NECAP2: variants seen among roughly 807,000 people sequenced by gnomAD.
NECAP2 encodes adaptin ear-binding coat-associated protein 2.
A neutral mutation model predicts 37.8 loss-of-function variants in NECAP2; 38 were observed. The observed-to-expected ratio is 1.01, with a 90% CI of 0.78 to 1.32. NECAP2 has a LOEUF of 1.32. NECAP2 is among the 40% of genes most tolerant of loss of function. The pLI is 0.00. For missense variants in NECAP2, 316 were observed against 334.5 expected (o/e 0.94, Z 0.43); for synonymous variants, 121 against 127.7 (o/e 0.95, Z 0.35).
At chr1:16,446,871 C>G (rs2086770910) in intron 2 of NECAP2, among the ~76,000 whole-genome samples, 1 of 151,968 alleles carries the variant, frequency 6.6e-6, no homozygotes, top group Non-Finnish European at 1.5e-5. Flanking sequence ...ACCAGCCTGG[C>G]CAACATGGTG....
intron 2 of NECAP2, among the ~76,000 whole-genome samples, chr1:16,446,983 C>G (rs1041319026): frequency 6.6e-6 from 1 of 151,712 alleles, no homozygotes; most frequent in African/African-American, 2.4e-5. Context: ...TCACTTGAAC[C>G]TGGGAGGCGG....
At position 16,451,994 on chromosome 1, in the gene NECAP2, C is replaced by A; in HGVS notation, c.646C>A (p.Pro216Thr). Residue 216 changes from proline to threonine, a missense_variant, in exon 6 of 8, where the codon CCA becomes ACA. This residue lies in a region of NECAP2 where 204 missense variants were observed against 188.6 expected (regional missense o/e 1.08). Transcript: ENST00000337132. The part of the protein sequence containing the change: ...QLAVGGSLVQ[P>T]AVAPSSGGAP... ...GGCTGTGGGGGGATCCCTCGTCCAG[C>A]CAGCAGTTGCTCCCAGTTCAGGTTA... 1 of 1,597,958 alleles carries A rather than the reference C, an allele frequency of 6.3e-7. No homozygotes were observed. Among genetic ancestry groups the A allele is most frequent in the Non-Finnish European group, 8.5e-7 (1 of 1,171,934 alleles).
At chr1:16,453,789 G>A (rs1343644345) in intron 6 of NECAP2, among the ~76,000 whole-genome samples, 2 of 151,750 alleles carry the variant, frequency 1.3e-5, no homozygotes, top group African/African-American at 4.8e-5. Flanking sequence ...GCCTGGCCTT[G>A]CTGATGCATT....
Position 16,448,059 on chromosome 1 carries a change from G to A in NECAP2, c.299-1G>A. 1 of 1,614,196 alleles carries A rather than the reference G, an allele frequency of 6.2e-7. No individual in the cohort carries two copies. Among genetic ancestry groups the A allele is most frequent in the Non-Finnish European group, 8.5e-7 (1 of 1,180,030 alleles). On this transcript the variant is annotated splice_acceptor_variant, in intron 3 of 7. Transcript: ENST00000337132. LOFTEE classifies it high-confidence loss of function. Reference sequence around the variant, plus strand: ...TGGGTTGATCATGTGTTGTTCCCCAGGGCGACGGGCGTTTATTGGAATTGG... The same window carrying A: ...TGGGTTGATCATGTGTTGTTCCCCAAGGCGACGGGCGTTTATTGGAATTGG...
intron 7 of NECAP2, among the ~76,000 whole-genome samples, chr1:16,458,572 CAGTG>C (rs1281088806): frequency 1.3e-5 from 2 of 150,410 alleles, no homozygotes; most frequent in African/African-American, 4.9e-5. Context: ...GCCTGGGCGA[CAGTG>C]AGACCCTGTC....
At chr1:16,446,441 C>T (rs2086763814) in intron 2 of NECAP2, among the ~76,000 whole-genome samples, 1 of 152,186 alleles carries the variant, frequency 6.6e-6, no homozygotes, top group African/African-American at 2.4e-5. Context: ...TGCCTGTATT[C>T]CCAGCTACGT....
rs554201299 is a variant in NECAP2 at position 16,456,727 on chromosome 1, C to A, written c.743+834C>A. 3.9e-5 allele frequency among the ~76,000 whole-genome samples: 6 copies of A among 152,238 alleles called. No homozygotes were observed. The East Asian group carries it at 1.2e-3, about 29-fold the overall frequency. ...AGATTCTAGGACAGGGGTCAGCACA[C>A]ATTTTCTTTTTCTTTTCATGTTTTG... is the stretch of plus-strand genomic sequence containing the variant. On this transcript the variant is annotated intron_variant, in intron 7 of 7. Coordinates refer to ENST00000337132, the MANE Select transcript of NECAP2 (RefSeq NM_018090.5).
intron 2 of NECAP2, among the ~76,000 whole-genome samples, chr1:16,446,486 G>A (rs759597206): frequency 7.2e-5 from 11 of 152,164 alleles, no homozygotes; most frequent in South Asian, 2.1e-4. Flanking sequence ...TTGAGCCCAG[G>A]AGTTCGAGGC....
rs2086972518 is a variant in NECAP2, at chr1:16,459,060, A to C, written c.*170A>C. The C allele has an allele frequency of 6.9e-7, 1 of 1,450,964 alleles. No homozygotes were observed. 89.9% of individuals were successfully genotyped at this position (1,450,964 alleles called of 1,614,324 possible). ...CGGGCATGTTTGGCAGTAAATTGGC[A>C]CCGTGTCACACTGTTTCCTGGGATT... On this transcript the variant is annotated 3_prime_UTR_variant, in exon 8 of 8. Coordinates refer to ENST00000337132, the MANE Select transcript of NECAP2 (RefSeq NM_018090.5).
chr1:16,441,209 G>C (rs1171386667), intron 1 of NECAP2: 3 of 242,252 alleles, frequency 1.2e-5, no homozygotes, highest in African/African-American at 2.2e-5. Context: ...AGCCTTAAGC[G>C]GGGAGGTGCC....
intron 2 of NECAP2, 65 bp downstream of exon 2, chr1:16,443,797 C>T: frequency 7.6e-7 from 1 of 1,316,958 alleles, no homozygotes; most frequent in Non-Finnish European, 1.1e-6. Flanking sequence ...GGAGAGGTGG[C>T]CTGGTCTGGC....
intron 1 of NECAP2, among the ~76,000 whole-genome samples, chr1:16,441,979 CT>C (rs1275872447): frequency 2.8e-3 from 382 of 136,428 alleles, no homozygotes; most frequent in Middle Eastern, 3.7e-3. Context: ...CCTGTTGGGT[CT>C]TTTTTTTTTT....
intron 1 of NECAP2, 42 bp from the exon 2 acceptor site, chr1:16,443,590 C>A (rs1481232533): frequency 1.4e-6 from 2 of 1,471,722 alleles, no homozygotes; most frequent in African/African-American, 1.4e-5. Flanking sequence ...GGTCACACAG[C>A]AGGAGCCTCT....
intron 7 of NECAP2, among the ~76,000 whole-genome samples, chr1:16,458,138 CA>C (rs2086956210): frequency 6.6e-6 from 1 of 152,078 alleles, no homozygotes; most frequent in South Asian, 2.1e-4. Flanking sequence ...CTGATTTTTC[CA>C]AAATAGTTCT....
Position 16,459,190 on chromosome 1 carries a change from C to A in NECAP2, c.*300C>A. 1 of 484,142 alleles carries A rather than the reference C, an allele frequency of 2.1e-6. No homozygotes were observed. The highest frequency in any genetic ancestry group is 3.6e-5 in the East Asian group (1 of 27,750). 30.0% of individuals were successfully genotyped at this position (484,142 alleles called of 1,614,324 possible). A position where few individuals can be genotyped will look rare whatever the true frequency, so the allele number is the denominator to read the frequency against. On this transcript the variant is annotated 3_prime_UTR_variant, in exon 8 of 8. Transcript: ENST00000337132. The stretch of plus-strand genomic sequence containing the variant: ...CTGAGACTTCTTCCATCGCAATGAC[C>A]TGTATTAAACACAAGCCCCCCAAGC...
At chr1:16,455,659 G>T (rs2100969643) in intron 6 of NECAP2, 159 bp from the exon 7 acceptor site, 1 of 623,926 alleles carries the variant, frequency 1.6e-6, no homozygotes, top group Non-Finnish European at 2.9e-6. Flanking sequence ...CAGGGTGTTT[G>T]GTTGCCCAAA....
chr1:16,457,972 G>C (rs904384636), intron 7 of NECAP2, among the ~76,000 whole-genome samples: 1 of 151,894 alleles, frequency 6.6e-6, no homozygotes, highest in Admixed American at 6.6e-5. Context: ...CAGCCTCCCA[G>C]AGTGCTGGGA....
intron 7 of NECAP2, 48 bp downstream of exon 7, chr1:16,455,941 T>C (rs1187564812): frequency 2.1e-6 from 3 of 1,413,300 alleles, no homozygotes; most frequent in Non-Finnish European, 3.0e-6. Context: ...GGGCCGTTGC[T>C]CTACAAACCT....
chr1:16,455,163 AAC>A (rs2086898786), intron 6 of NECAP2, among the ~76,000 whole-genome samples: 1 of 152,228 alleles, frequency 6.6e-6, no homozygotes. Context: ...GAGGGTGGCA[AAC>A]ACAGGCCCTT....
Sources: allele counts gnomAD v4.1 joint callset (sites outside exome capture counted in the v4.1 genomes callset), GRCh38; gene constraint gnomAD v4.1.1; regional missense constraint gnomAD v4.1.1; transcripts MANE v1.5; gene names NCBI Gene and HGNC (gene_info 2026-07-23, HGNC 2026-07-21).